The following ITGB4 variants were observed in gnomAD, a reference collection of about 807,000 sequenced individuals.
The protein encoded by ITGB4 is integrin subunit beta 4.
Under a neutral mutation model 207.6 loss-of-function variants are expected in ITGB4, and 159 were observed. The ratio of observed to expected loss-of-function variants is 0.77; its 90% CI spans 0.67 to 0.87. The LOEUF (loss-of-function observed/expected upper bound fraction) is 0.87, where lower values mean the gene tolerates loss of function less well. Among genes scored for constraint, ITGB4 ranks in the 40% least tolerant of loss-of-function variants. The probability of loss-of-function intolerance (pLI) is 0.00; values close to 1 mark genes in which losing one functional copy is unlikely to be tolerated. For synonymous variants in ITGB4, 1,020 were observed against 1,062.7 expected (o/e 0.96, Z 0.78); for missense variants, 2,278 against 2,546.8 (o/e 0.89, Z 2.27).
intron 18 of ITGB4, among the ~76,000 whole-genome samples, chr17:75,738,706 G>A (rs1173464976): frequency 1.3e-5 from 2 of 152,254 alleles, no homozygotes; most frequent in African/African-American, 2.4e-5. Context: ...AAGAGAAAGC[G>A]TGGAGGATGG....
rs1233935381 is a variant in ITGB4 at position 75,737,526 on chromosome 17, C to T, written c.2114-12C>T. ...GGACAGGCACCACCTCCCCCTGCCT[C>T]CTCCTCTCCAGACTGCCCTCCGGGC... On this transcript the variant is annotated splice_polypyrimidine_tract_variant and intron_variant, in intron 17 of 39. Transcript: ENST00000200181. 1.3e-6 allele frequency: 2 copies of T among 1,563,924 alleles called. No homozygotes were observed. Among genetic ancestry groups the T allele is most frequent in the South Asian group, 2.3e-5 (2 of 85,362 alleles).
chr17:75,737,783 C>T, intron 18 of ITGB4, 139 bp downstream of exon 18: 1 of 750,112 alleles, frequency 1.3e-6, no homozygotes, highest in Non-Finnish European at 2.3e-6. Flanking sequence ...TGGGTCCCCA[C>T]CTCCCCAGGG....
Position 75,750,123 on chromosome 17 carries a change from G to C in ITGB4, c.3329G>C (p.Arg1110Pro). Residue 1110 changes from arginine (R) to proline (P), a missense_variant, in exon 28 of 40, where the codon CGG (arginine) becomes CCG (proline). Physicochemically the swap from Arg to Pro is moderately radical, Grantham distance 103 (BLOSUM62 -2). Transcript: ENST00000200181. The surrounding 1 kb of genome is among the most constrained non-coding windows in gnomAD (Gnocchi z 5.5). ...CCTGACCCGTTAGATGAACTGGACC[G>C]GAGCTTCACGAGTCAGATGTTGTCA... The part of the protein sequence containing the change: ...IIIRDPDELD[R>P]SFTSQMLSSQ... The C allele has an allele frequency of 1.9e-6, 3 of 1,613,644 alleles. No individual in the cohort carries two copies. Among genetic ancestry groups the C allele is most frequent in the East Asian group, 2.2e-5 (1 of 44,890 alleles).
intron 26 of ITGB4, 88 bp from the exon 27 acceptor site, chr17:75,748,753 T>C: frequency 2.1e-6 from 2 of 934,942 alleles, no homozygotes; most frequent in Non-Finnish European, 3.3e-6. Context: ...GTCTCTGCAG[T>C]GTCCATGAGG....
rs1473884867 is a variant in ITGB4 at position 75,748,825 on chromosome 17, C to T, written c.3112-16C>T. ...CCCCCAGCCATGACCCTGACCCTGACCCCCTCCACTCCCAGGACTACATCC... is the reference window on the plus strand; with the variant it reads ...CCCCCAGCCATGACCCTGACCCTGATCCCCTCCACTCCCAGGACTACATCC... On this transcript the variant is annotated splice_polypyrimidine_tract_variant and intron_variant, in intron 26 of 39. Transcript: ENST00000200181. 2 of 1,591,922 alleles carry T rather than the reference C, an allele frequency of 1.3e-6. No individual in the cohort carries two copies. The highest frequency in any genetic ancestry group is 1.7e-6 in the Non-Finnish European group (2 of 1,168,926).
rs914024305 is a variant in ITGB4 at position 75,727,723 on chromosome 17, G to A, written c.337G>A (p.Gly113Ser). The change falls in exon 5 of 40, where the codon GGT becomes AGT. Residue 113 changes from glycine to serine, a missense_variant. Physicochemically the swap from Gly to Ser is moderately conservative, Grantham distance 56. Transcript: ENST00000200181. The surrounding 1 kb of genome is among the most constrained non-coding windows in gnomAD (Gnocchi z 6.0). ...AGGCCTGCGGGTCCGTCTGCGGCCC[G>A]GTGAGGAGCGGCATTTTGAGCTGGA... Reference protein sequence around the residue: ...PQGLRVRLRPGEERHFELEVF... With the variant: ...PQGLRVRLRPSEERHFELEVF... 18 of 1,613,538 alleles carry A rather than the reference G, an allele frequency of 1.1e-5. No individual in the cohort carries two copies. The highest frequency in any genetic ancestry group is 1.3e-5 in the Non-Finnish European group (15 of 1,179,952).
chr17:75,731,220 A>G lies in ITGB4; in HGVS notation c.1093-26A>G, dbSNP rs376396837. 2.5e-6 allele frequency: 4 copies of G among 1,612,970 alleles called. No homozygotes were observed. The highest frequency in any genetic ancestry group is 1.3e-5 in the African/African-American group (1 of 74,902). On this transcript the variant is annotated intron_variant, in intron 9 of 39. Transcript: ENST00000200181. The surrounding 1 kb of genome is among the most constrained non-coding windows in gnomAD (Gnocchi z 6.8). ...GGAGCACAGAGGCCCCCCACAGAGC[A>G]CTGATCAACCTCCTTCCTCCTTTAG... is the stretch of plus-strand genomic sequence containing the variant.
Position 75,736,331 on chromosome 17 carries a change from A to T in ITGB4, c.1805A>T (p.His602Leu), listed in dbSNP as rs201103623. 154 of 1,614,078 alleles carry T rather than the reference A, an allele frequency of 9.5e-5. No homozygotes were observed. The East Asian group carries it at 3.1e-3, about 32-fold the overall frequency. Residue 602 changes from histidine (H) to leucine (L), a missense_variant, in exon 15 of 40, where the codon CAC becomes CTC. His to Leu is a moderately conservative substitution (Grantham distance 99, BLOSUM62 -3). Transcript: ENST00000200181. The part of the protein sequence containing the change: ...GRGHCECGRC[H>L]CHQQSLYTDT... ...GGCCACTGTGAGTGTGGCCGCTGCC[A>T]CTGCCACCAGCAGTCGCTCTACACG... is the stretch of plus-strand genomic sequence containing the variant.
chr17:75,728,717 G>T (rs2060780857), intron 6 of ITGB4, among the ~76,000 whole-genome samples: 1 of 152,252 alleles, frequency 6.6e-6, no homozygotes, highest in South Asian at 2.1e-4. Flanking sequence ...GGGCGCGGTG[G>T]TTCACGCCTG....
In ITGB4 at chr17:75,755,690, C is replaced by T. The variant is rs1212100076; in HGVS notation, c.4559-11C>T. The T allele has an allele frequency of 6.2e-7, 1 of 1,612,790 alleles. No homozygotes were observed. The highest frequency in any genetic ancestry group is 1.1e-5 in the South Asian group (1 of 91,082). On this transcript the variant is annotated splice_polypyrimidine_tract_variant and intron_variant, in intron 34 of 39. Coordinates refer to ENST00000200181, the MANE Select transcript of ITGB4 (RefSeq NM_000213.5). ...CTGCATCTCTGGCTGACTGCGGCCT[C>T]CTGTCCCCAGACTCTCGCCTGACTG...
intron 12 of ITGB4, among the ~76,000 whole-genome samples, chr17:75,733,257 G>A (rs1465373705): frequency 3.3e-5 from 5 of 150,202 alleles, no homozygotes; most frequent in Admixed American, 6.6e-5. Flanking sequence ...GTAGTGGCGG[G>A]TGCCTGTAGT....
chr17:75,739,776 C>T lies in ITGB4; in HGVS notation c.2254+71C>T. ...TTCTCTGAGCTGGGGTGGAGGGAAG[C>T]TGAACCTGGAACGGCAGAGGCTGGA... On this transcript the variant is annotated intron_variant, in intron 19 of 39. Transcript: ENST00000200181. This position sits in a 1 kb window ranked among gnomAD's most constrained non-coding sequence, Gnocchi z 5.4. 1 of 1,610,956 alleles carries T rather than the reference C, an allele frequency of 6.2e-7. No individual in the cohort carries two copies. Among genetic ancestry groups the T allele is most frequent in the Non-Finnish European group, 8.5e-7 (1 of 1,177,322 alleles).
rs2061007980 is a variant in ITGB4, at chr17:75,737,535, C to G, written c.2114-3C>G. 1 of 1,569,916 alleles carries G rather than the reference C, an allele frequency of 6.4e-7. No homozygotes were observed. The highest frequency in any genetic ancestry group is 1.9e-5 in the Admixed American group (1 of 52,456). Reference sequence around the variant, plus strand: ...CCACCTCCCCCTGCCTCCTCCTCTCCAGACTGCCCTCCGGGCTCCTTCTGG... The same window carrying G: ...CCACCTCCCCCTGCCTCCTCCTCTCGAGACTGCCCTCCGGGCTCCTTCTGG... On this transcript the variant is annotated splice_region_variant and splice_polypyrimidine_tract_variant and intron_variant, in intron 17 of 39. Transcript: ENST00000200181.
Position 75,732,214 on chromosome 17 carries a change from G to T in ITGB4, c.1429G>T (p.Gly477Ter). The change falls in exon 12 of 40, where the codon GGA (glycine) becomes TGA (stop). Residue 477 changes from glycine (G) to a stop codon, truncating the protein, a stop_gained. Coordinates refer to ENST00000200181, the MANE Select transcript of ITGB4 (RefSeq NM_000213.5). LOFTEE classifies it high-confidence loss of function. This position sits in a 1 kb window ranked among gnomAD's most constrained non-coding sequence, Gnocchi z 5.3. ...CAGCTTCAACGGAGACTTCGTGTGC[G>T]GACAGTGTGTGTGCAGCGAGGGCTG... ...RCSFNGDFVC[G>*]QCVCSEGWSG... The T allele has an allele frequency of 6.2e-7, 1 of 1,614,072 alleles. No homozygotes were observed.
Position 75,729,242 on chromosome 17 carries a change from C to T in ITGB4, c.567-23C>T. 6.2e-7 allele frequency: 1 copy of T among 1,609,404 alleles called. No individual in the cohort carries two copies. Among genetic ancestry groups the T allele is most frequent in the Non-Finnish European group, 8.5e-7 (1 of 1,176,644 alleles). On this transcript the variant is annotated intron_variant, in intron 6 of 39. Coordinates refer to ENST00000200181, the MANE Select transcript of ITGB4 (RefSeq NM_000213.5). The surrounding 1 kb of genome is among the most constrained non-coding windows in gnomAD (Gnocchi z 4.4). ...CGGCGTCTTCCCCCTGTGACACTCTCTCTCCCTCCCACCTCTGCCCAGGCT... is the reference window on the plus strand; with the variant it reads ...CGGCGTCTTCCCCCTGTGACACTCTTTCTCCCTCCCACCTCTGCCCAGGCT...
chr17:75,732,303 C>T lies in ITGB4; in HGVS notation c.1454+64C>T, dbSNP rs2060880702. The T allele has an allele frequency of 2.0e-6, 3 of 1,504,384 alleles. No individual in the cohort carries two copies. The highest frequency in any genetic ancestry group is 2.8e-6 in the Non-Finnish European group (3 of 1,082,064). 93.2% of individuals were successfully genotyped at this position (1,504,384 alleles called of 1,614,324 possible). A position where few individuals can be genotyped will look rare whatever the true frequency, so the allele number is the denominator to read the frequency against. ...GGCCCCTGATGGGAAAGCTGGGCTC[C>T]TGCAGGGGCCTGGCCCTGGGTGCAC... On this transcript the variant is annotated intron_variant, in intron 12 of 39. Transcript: ENST00000200181. The surrounding 1 kb of genome is among the most constrained non-coding windows in gnomAD (Gnocchi z 5.3).
Position 75,750,912 on chromosome 17 carries a change from C to G in ITGB4, c.3655+52C>G. On this transcript the variant is annotated intron_variant, in intron 29 of 39. Coordinates refer to ENST00000200181, the MANE Select transcript of ITGB4 (RefSeq NM_000213.5). The surrounding 1 kb of genome is among the most constrained non-coding windows in gnomAD (Gnocchi z 5.5). ...TGTCCCCTGGCTGCCCTGATGCCAG[C>G]ATGCCCAGACCTCCCTCCCTCTGCC... The G allele has an allele frequency of 6.2e-7, 1 of 1,612,824 alleles. No individual in the cohort carries two copies. Among genetic ancestry groups the G allele is most frequent in the East Asian group, 2.2e-5 (1 of 44,884 alleles).
At chr17:75,756,294 C>A in intron 35 of ITGB4, 135 bp from the exon 36 acceptor site, 1 of 909,682 alleles carries the variant, frequency 1.1e-6, no homozygotes, top group Non-Finnish European at 1.7e-6. Flanking sequence ...CATACTGTAC[C>A]CAACCTGTAC....
chr17:75,757,007 C>T lies in ITGB4; in HGVS notation c.5118C>T (p.Leu1706=). 6.2e-7 allele frequency: 1 copy of T among 1,612,378 alleles called. No homozygotes were observed. The highest frequency in any genetic ancestry group is 8.5e-7 in the Non-Finnish European group (1 of 1,179,814). The change falls in exon 38 of 40, where the codon CTC becomes CTT. Residue 1706 remains leucine, a synonymous_variant. Transcript: ENST00000200181. ...SPESRLTVPG[L]SENVPYKFKV... ...AGAGCCGGCTGACCGTGCCGGGCCT[C>T]AGCGAGAACGTGCCCTACAAGTTCA...
Sources: allele counts gnomAD v4.1 joint callset (sites outside exome capture counted in the v4.1 genomes callset), GRCh38; gene constraint gnomAD v4.1.1; non-coding constraint Gnocchi (gnomAD v3.1); transcripts MANE v1.5; gene names NCBI Gene and HGNC (gene_info 2026-07-23, HGNC 2026-07-21).